The following TRABD2B variants were observed in gnomAD, a reference collection of about 807,000 sequenced individuals.
TRABD2B encodes the protein TraB domain containing 2B.
TRABD2B carries 14 observed loss-of-function variants against 40.1 expected under a neutral mutation model. That is an observed-to-expected ratio of 0.35 (90% confidence interval 0.23 to 0.55). The LOEUF is 0.55. Among genes scored for constraint, TRABD2B ranks in the 20% least tolerant of loss-of-function variants. The pLI is 0.90. For missense variants in TRABD2B, 541 were observed against 648.6 expected (o/e 0.83, Z 1.80); for synonymous variants, 263 against 277.0 (o/e 0.95, Z 0.50).
chr1:47,804,991 T>C (rs748307620), intron 2 of TRABD2B, among the ~76,000 whole-genome samples: 7 of 152,178 alleles, frequency 4.6e-5, no homozygotes, highest in Non-Finnish European at 1.0e-4. Context: ...GGCCCTTCTG[T>C]GGAACCCACA....
At chr1:47,891,472 G>C (rs891583285) in intron 2 of TRABD2B, among the ~76,000 whole-genome samples, 1 of 152,090 alleles carries the variant, frequency 6.6e-6, no homozygotes, top group Non-Finnish European at 1.5e-5. Context: ...GGGTAAAAAG[G>C]GTTCCAGGCA....
intron 5 of TRABD2B, among the ~76,000 whole-genome samples, chr1:47,776,396 T>C (rs1050538509): frequency 2.0e-5 from 3 of 152,118 alleles, no homozygotes; most frequent in Non-Finnish European, 4.4e-5. Flanking sequence ...ACCTACTTCA[T>C]GGGGTTGTCA....
At chr1:47,942,250 T>G (rs1645198104) in intron 2 of TRABD2B, among the ~76,000 whole-genome samples, 1 of 152,122 alleles carries the variant, frequency 6.6e-6, no homozygotes, top group African/African-American at 2.4e-5. Flanking sequence ...TCTCTACCTA[T>G]GGGTGAGCAA....
At chr1:47,906,847 A>C (rs1227807776) in intron 2 of TRABD2B, among the ~76,000 whole-genome samples, 1 of 152,230 alleles carries the variant, frequency 6.6e-6, no homozygotes, top group East Asian at 1.9e-4. Context: ...CTGGCTCTTG[A>C]GGGCAGCCAG....
chr1:47,776,838 T>G (rs945986619), intron 5 of TRABD2B, among the ~76,000 whole-genome samples: 1 of 152,120 alleles, frequency 6.6e-6, no homozygotes, highest in Non-Finnish European at 1.5e-5. Context: ...CCTACCCCCA[T>G]GGCAACCCCA....
At chr1:47,862,264 TA>T (rs1643984737) in intron 2 of TRABD2B, among the ~76,000 whole-genome samples, 1 of 152,250 alleles carries the variant, frequency 6.6e-6, no homozygotes, top group East Asian at 1.9e-4. Flanking sequence ...GAAAATGAAA[TA>T]AAATATATAC....
At chr1:47,775,518 G>T in intron 5 of TRABD2B, 79 bp from the exon 6 acceptor site, 1 of 1,214,710 alleles carries the variant, frequency 8.2e-7, no homozygotes, top group Non-Finnish European at 1.0e-6. Context: ...GTCCAATTCA[G>T]TGGGAGTTTG....
At chr1:47,887,301 C>T (rs145013976) in intron 2 of TRABD2B, among the ~76,000 whole-genome samples, 306 of 152,244 alleles carry the variant, frequency 2.0e-3, no homozygotes, top group African/African-American at 7.3e-3. Flanking sequence ...AAGTGGAGAA[C>T]TGGAATTCCA....
intron 2 of TRABD2B, among the ~76,000 whole-genome samples, chr1:47,984,143 G>A (rs1268505469): frequency 6.6e-6 from 1 of 152,210 alleles, no homozygotes; most frequent in Non-Finnish European, 1.5e-5. Context: ...GAGGAAGGAG[G>A]CAAATCCTTT....
chr1:47,848,902 G>A (rs1248948799), intron 2 of TRABD2B, among the ~76,000 whole-genome samples: 1 of 152,192 alleles, frequency 6.6e-6, no homozygotes, highest in East Asian at 1.9e-4. Flanking sequence ...AAGGATATTA[G>A]GCTATCTTCC....
chr1:47,865,669 T>G (rs145822004), intron 2 of TRABD2B, among the ~76,000 whole-genome samples: 4 of 152,276 alleles, frequency 2.6e-5, no homozygotes, highest in African/African-American at 9.6e-5. Context: ...CTGAGCCTGT[T>G]TTCTCACTTT....
chr1:47,961,127 A>G (rs1401647881), intron 2 of TRABD2B, among the ~76,000 whole-genome samples: 1 of 152,260 alleles, frequency 6.6e-6, no homozygotes, highest in Non-Finnish European at 1.5e-5. Flanking sequence ...TTCCCTATTT[A>G]ATAAATGGTG....
chr1:47,815,735 G>GA (rs1010839150), intron 2 of TRABD2B, among the ~76,000 whole-genome samples: 1 of 151,232 alleles, frequency 6.6e-6, no homozygotes, highest in Non-Finnish European at 1.5e-5. Flanking sequence ...CCAAGTGACT[G>GA]AGGGTTGTGT....
chr1:47,949,053 T>G (rs1645301680), intron 2 of TRABD2B, among the ~76,000 whole-genome samples: 1 of 152,156 alleles, frequency 6.6e-6, no homozygotes, highest in Non-Finnish European at 1.5e-5. Context: ...GCACACGGGT[T>G]GTAAATGTCA....
chr1:47,863,810 G>A (rs1644014288), intron 2 of TRABD2B, among the ~76,000 whole-genome samples: 1 of 152,144 alleles, frequency 6.6e-6, no homozygotes, highest in South Asian at 2.1e-4. Flanking sequence ...ATTTATAACA[G>A]CTTTGTTCAT....
At chr1:47,808,403 GA>G (rs1216238943) in intron 2 of TRABD2B, among the ~76,000 whole-genome samples, 10 of 152,082 alleles carry the variant, frequency 6.6e-5, no homozygotes, top group African/African-American at 2.4e-4. Flanking sequence ...AACTAATACA[GA>G]ATATGTTATA....
intron 2 of TRABD2B, among the ~76,000 whole-genome samples, chr1:47,992,710 G>C (rs539085462): frequency 6.6e-6 from 1 of 152,330 alleles, no homozygotes; most frequent in African/African-American, 2.4e-5. Flanking sequence ...GCTATGTTCA[G>C]AGGAATCAGC....
At chr1:47,990,303 G>A (rs2148458208) in intron 2 of TRABD2B, among the ~76,000 whole-genome samples, 1 of 152,248 alleles carries the variant, frequency 6.6e-6, no homozygotes, top group South Asian at 2.1e-4. Flanking sequence ...TTGAAGGGGA[G>A]GACTCAGGTC....
At chr1:47,889,431 T>C (rs958122539) in intron 2 of TRABD2B, among the ~76,000 whole-genome samples, 1 of 152,264 alleles carries the variant, frequency 6.6e-6, no homozygotes. Flanking sequence ...GGTATGTGGC[T>C]TGTCATGTCA....
Sources: allele counts gnomAD v4.1 joint callset (sites outside exome capture counted in the v4.1 genomes callset), GRCh38; gene constraint gnomAD v4.1.1; transcripts MANE v1.5; gene names NCBI Gene and HGNC (gene_info 2026-07-23, HGNC 2026-07-21).